LRRTM4: variants seen among roughly 807,000 people sequenced by gnomAD.
LRRTM4 encodes leucine rich repeat transmembrane neuronal 4, also known as leucine-rich repeat transmembrane neuronal protein 4.
In LRRTM4, 25 loss-of-function variants were observed where a neutral mutation model predicts 47.6. That is an observed-to-expected ratio of 0.53 (90% CI 0.38 to 0.73). LRRTM4 has a LOEUF of 0.73. Ranked by LOEUF, LRRTM4 falls within the 30% of genes least tolerant of loss-of-function variation. LRRTM4 has a pLI of 0.00. For synonymous variants in LRRTM4, 311 were observed against 269.5 expected (o/e 1.15, Z -1.51); for missense variants, 638 against 713.4 (o/e 0.89, Z 1.20).
chr2:77,152,398 G>T (rs930932685), intron 3 of LRRTM4, among the ~76,000 whole-genome samples: 1 of 151,834 alleles, frequency 6.6e-6, no homozygotes, highest in East Asian at 1.9e-4. Context: ...GCACAATCTC[G>T]GCTCACTGCA....
At chr2:77,046,425 G>A (rs575273649) in intron 3 of LRRTM4, among the ~76,000 whole-genome samples, 1 of 151,974 alleles carries the variant, frequency 6.6e-6, no homozygotes, top group African/African-American at 2.4e-5. Flanking sequence ...GAAGTTTAGT[G>A]TCAGCCACTA....
At chr2:77,383,071 T>C (rs1673124500) in intron 3 of LRRTM4, among the ~76,000 whole-genome samples, 1 of 152,058 alleles carries the variant, frequency 6.6e-6, no homozygotes, top group Non-Finnish European at 1.5e-5. Flanking sequence ...GGGAGAATAT[T>C]TGGTATAGTT....
chr2:76,930,514 C>A (rs1353212522), intron 3 of LRRTM4, among the ~76,000 whole-genome samples: 2 of 152,200 alleles, frequency 1.3e-5, no homozygotes, highest in East Asian at 3.9e-4. Flanking sequence ...GATGCCACAG[C>A]AGAAGTGTGC....
chr2:77,509,031 A>G (rs575894364), intron 3 of LRRTM4, among the ~76,000 whole-genome samples: 58 of 152,204 alleles, frequency 3.8e-4, no homozygotes, highest in Non-Finnish European at 6.8e-4. Flanking sequence ...CAGGAGTTCA[A>G]GACCAGCCTG....
chr2:77,488,951 T>A (rs1678030898), intron 3 of LRRTM4, among the ~76,000 whole-genome samples: 1 of 151,478 alleles, frequency 6.6e-6, no homozygotes, highest in African/African-American at 2.4e-5. Flanking sequence ...TATACATATG[T>A]AACAAACCTG....
At chr2:76,974,193 T>TATAC (rs1469345793) in intron 3 of LRRTM4, among the ~76,000 whole-genome samples, 1 of 119,608 alleles carries the variant, frequency 8.4e-6, no homozygotes, top group East Asian at 3.6e-4. Context: ...CATACATATA[T>TATAC]ATACATATAT....
At chr2:77,351,069 C>A (rs764535975) in intron 3 of LRRTM4, among the ~76,000 whole-genome samples, 1 of 152,126 alleles carries the variant, frequency 6.6e-6, no homozygotes, top group African/African-American at 2.4e-5. Context: ...TCTCCTTCCT[C>A]CCACCCCGTA....
intron 3 of LRRTM4, among the ~76,000 whole-genome samples, chr2:76,758,603 C>A (rs1165423137): frequency 6.6e-6 from 1 of 152,082 alleles, no homozygotes; most frequent in African/African-American, 2.4e-5. Flanking sequence ...TATTTTGGAA[C>A]AACATGGCAG....
At chr2:77,446,899 C>T (rs1167373160) in intron 3 of LRRTM4, among the ~76,000 whole-genome samples, 2 of 152,080 alleles carry the variant, frequency 1.3e-5, no homozygotes, top group African/African-American at 2.4e-5. Flanking sequence ...ATTATGGAAA[C>T]ATGTTTAAGA....
intron 3 of LRRTM4, among the ~76,000 whole-genome samples, chr2:76,844,842 T>A (rs575695038): frequency 3.9e-5 from 6 of 152,154 alleles, no homozygotes; most frequent in Non-Finnish European, 8.8e-5. Flanking sequence ...AGCTTAGAGA[T>A]TGATTAGTCT....
intron 3 of LRRTM4, among the ~76,000 whole-genome samples, chr2:77,371,929 C>T (rs1160392875): frequency 1.3e-5 from 2 of 151,684 alleles, no homozygotes; most frequent in East Asian, 3.9e-4. Context: ...GCAGAAGACA[C>T]AAAATTTATG....
At chr2:77,068,860 G>T (rs942937110) in intron 3 of LRRTM4, among the ~76,000 whole-genome samples, 3 of 152,184 alleles carry the variant, frequency 2.0e-5, no homozygotes, top group African/African-American at 7.2e-5. Context: ...TGGGTTTACC[G>T]GAATGAGGGC....
At chr2:77,179,635 A>C (rs1464311554) in intron 3 of LRRTM4, among the ~76,000 whole-genome samples, 2 of 152,128 alleles carry the variant, frequency 1.3e-5, no homozygotes, top group Non-Finnish European at 2.9e-5. Flanking sequence ...TACTCTATTA[A>C]AAAAATTAGA....
intron 3 of LRRTM4, among the ~76,000 whole-genome samples, chr2:77,143,293 A>G (rs935336159): frequency 1.1e-4 from 16 of 152,200 alleles, no homozygotes; most frequent in African/African-American, 3.6e-4. Flanking sequence ...AAACATAATT[A>G]GAAAATTTGG....
At chr2:77,306,710 G>A (rs541026194) in intron 3 of LRRTM4, among the ~76,000 whole-genome samples, 1 of 152,016 alleles carries the variant, frequency 6.6e-6, no homozygotes, top group African/African-American at 2.4e-5. Flanking sequence ...TATTGACCCT[G>A]ACTTTCAAAT....
intron 3 of LRRTM4, among the ~76,000 whole-genome samples, chr2:77,180,643 C>T (rs1473092544): frequency 6.6e-6 from 1 of 152,088 alleles, no homozygotes; most frequent in African/African-American, 2.4e-5. Flanking sequence ...ATGAAAATTA[C>T]TTTTTAATAT....
At chr2:76,979,645 T>C (rs1271014968) in intron 3 of LRRTM4, among the ~76,000 whole-genome samples, 7 of 149,680 alleles carry the variant, frequency 4.7e-5, no homozygotes, top group Non-Finnish European at 1.0e-4. Flanking sequence ...TATTCATGAA[T>C]CTGCAAGAGC....
chr2:76,899,048 T>C (rs932812920), intron 3 of LRRTM4, among the ~76,000 whole-genome samples: 1 of 151,890 alleles, frequency 6.6e-6, no homozygotes, highest in African/African-American at 2.4e-5. Context: ...TGTTGTAAAA[T>C]TGGTAAGCTA....
rs555668371 is a variant in LRRTM4 at position 77,177,136 on chromosome 2, C to G, written c.1551+341182G>C. On this transcript the variant is annotated intron_variant, in intron 3 of 3. Transcript: ENST00000409884. ...ACCAGCAGCCCTAGGGGCTGCTCTA[C>G]CTATGGAGTAGCCACACTTTTATTC... 3.3e-5 allele frequency among the ~76,000 whole-genome samples: 5 copies of G among 152,146 alleles called. No homozygotes were observed. In the East Asian group the frequency reaches 9.6e-4, roughly 29 times the overall value.
Sources: allele counts gnomAD v4.1 joint callset (sites outside exome capture counted in the v4.1 genomes callset), GRCh38; gene constraint gnomAD v4.1.1; transcripts MANE v1.5; gene names NCBI Gene and HGNC (gene_info 2026-07-23, HGNC 2026-07-21).